The following PRELID2 variants were observed in gnomAD, a reference collection of about 807,000 sequenced individuals.
The protein encoded by PRELID2 is PRELI domain-containing protein 2.
In PRELID2, 25 loss-of-function variants were observed where a neutral mutation model predicts 28.4. The ratio of observed to expected loss-of-function variants is 0.88; its 90% CI spans 0.64 to 1.23. The LOEUF (loss-of-function observed/expected upper bound fraction) is 1.23, where lower values mean the gene tolerates loss of function less well. PRELID2 is among the 50% of genes most tolerant of loss of function. The probability of loss-of-function intolerance (pLI) is 0.00; values close to 1 mark genes in which losing one functional copy is unlikely to be tolerated. For synonymous variants in PRELID2, 76 were observed against 71.6 expected (o/e 1.06, Z -0.31); for missense variants, 201 against 214.4 (o/e 0.94, Z 0.39).
At chr5:145,335,988 C>T in the PRELID2 span, among the ~76,000 whole-genome samples, 2,728 of 152,308 alleles carry the variant, frequency 0.018, 47 homozygotes, top group Non-Finnish European at 0.027. Flanking sequence ...GATGGTATCT[C>T]ATTGTGGTTT....
intron 1 of PRELID2, among the ~76,000 whole-genome samples, chr5:145,643,335 A>T (rs1191903111): frequency 6.6e-6 from 1 of 152,200 alleles, no homozygotes; most frequent in African/African-American, 2.4e-5. Context: ...GTGTGTAGGA[A>T]TGCTTGTGAT....
chr5:145,551,297 A>G lies in PRELID2; in HGVS notation n.71-77982T>C, dbSNP rs529634560. On this transcript the variant is annotated intron_variant and non_coding_transcript_variant, in intron 1 of 2. Transcript: ENST00000510259. ...GTGTCTGTAATTCCAGCTACTCGGG[A>G]GGCTGAGGCAGGAGAATCGCTTGAA... is the stretch of plus-strand genomic sequence containing the variant. Among the ~76,000 whole-genome samples, 88 of 152,140 alleles carry G rather than the reference A, an allele frequency of 5.8e-4. 1 individual carries two copies. Among genetic ancestry groups the G allele is most frequent in the African/African-American group, 2.0e-3 (83 of 41,496 alleles).
At chr5:145,678,576 C>A (rs1283643795) in intron 1 of PRELID2, among the ~76,000 whole-genome samples, 1 of 152,156 alleles carries the variant, frequency 6.6e-6, no homozygotes, top group Admixed American at 6.5e-5. Context: ...ACCAGACCAA[C>A]TTATTATGAG....
chr5:145,693,533 T>C (rs1755192843), intron 1 of PRELID2, among the ~76,000 whole-genome samples: 1 of 149,746 alleles, frequency 6.7e-6, no homozygotes, highest in African/African-American at 2.5e-5. Context: ...TTTTGGGAGG[T>C]CAAAGCTAAA....
chr5:145,431,069 T>C, the PRELID2 span, among the ~76,000 whole-genome samples: 2 of 133,788 alleles, frequency 1.5e-5, no homozygotes, highest in African/African-American at 5.4e-5. Context: ...GAGTTGAGCA[T>C]CACAGCCCTA....
the PRELID2 span, among the ~76,000 whole-genome samples, chr5:145,423,040 C>G: frequency 1.4e-5 from 2 of 147,678 alleles, no homozygotes; most frequent in African/African-American, 2.5e-5. Flanking sequence ...AAATTCTTTT[C>G]TTTAAGAATG....
chr5:145,293,543 C>T, the PRELID2 span, among the ~76,000 whole-genome samples: 2 of 152,212 alleles, frequency 1.3e-5, no homozygotes, highest in Non-Finnish European at 2.9e-5. Context: ...AACTCCTAAC[C>T]ATTTAACTAT....
intron 1 of PRELID2, among the ~76,000 whole-genome samples, chr5:145,474,088 G>A (rs1195262450): frequency 6.6e-6 from 1 of 152,250 alleles, no homozygotes. Flanking sequence ...GCAAAGAAAA[G>A]TACTCAATCC....
the PRELID2 span, among the ~76,000 whole-genome samples, chr5:145,466,503 G>A: frequency 6.6e-6 from 1 of 151,950 alleles, no homozygotes; most frequent in Non-Finnish European, 1.5e-5. Flanking sequence ...GTTTTTGTAT[G>A]TCTATCTATT....
chr5:145,377,244 T>C, the PRELID2 span, among the ~76,000 whole-genome samples: 2 of 152,230 alleles, frequency 1.3e-5, no homozygotes, highest in African/African-American at 4.8e-5. Context: ...TGCACTGTGG[T>C]CTGACAGATT....
At chr5:145,250,669 G>A in the PRELID2 span, among the ~76,000 whole-genome samples, 1 of 152,132 alleles carries the variant, frequency 6.6e-6, no homozygotes, top group Non-Finnish European at 1.5e-5. Context: ...TCAGACTTTT[G>A]AGATGGAATA....
At chr5:145,540,497 A>G (rs1752736853) in intron 1 of PRELID2, among the ~76,000 whole-genome samples, 1 of 151,948 alleles carries the variant, frequency 6.6e-6, no homozygotes, top group South Asian at 2.1e-4. Context: ...GGTTAGAAAG[A>G]TGAGTCTTAC....
chr5:145,515,950 C>T lies in PRELID2; in HGVS notation n.71-42635G>A, dbSNP rs140115553. 2.9e-3 allele frequency among the ~76,000 whole-genome samples: 446 copies of T among 152,250 alleles called. 1 individual carries two copies. Among genetic ancestry groups the T allele is most frequent in the Non-Finnish European group, 5.3e-3 (358 of 68,016 alleles). ...TGACAAAATTCAACAATTCTTTATG[C>T]TAAAAACTCTCAATAAACTAGGTAT... On this transcript the variant is annotated intron_variant and non_coding_transcript_variant, in intron 1 of 2. Transcript: ENST00000510259.
the PRELID2 span, among the ~76,000 whole-genome samples, chr5:145,394,824 T>C: frequency 3.9e-5 from 6 of 152,152 alleles, no homozygotes; most frequent in South Asian, 2.1e-4. Flanking sequence ...TCTGGCTCTG[T>C]CGTTTATCAG....
chr5:145,393,540 G>A, the PRELID2 span, among the ~76,000 whole-genome samples: 1 of 152,186 alleles, frequency 6.6e-6, no homozygotes, highest in Non-Finnish European at 1.5e-5. Flanking sequence ...ACAGAAAAGG[G>A]AAAGCAAACT....
chr5:145,769,096 A>G (rs1473244342), intron 5 of PRELID2, among the ~76,000 whole-genome samples: 1 of 152,208 alleles, frequency 6.6e-6, no homozygotes, highest in African/African-American at 2.4e-5. Flanking sequence ...CTAAATTTAC[A>G]CCACTTATCA....
the PRELID2 span, among the ~76,000 whole-genome samples, chr5:145,284,549 A>G: frequency 6.6e-6 from 1 of 152,070 alleles, no homozygotes; most frequent in African/African-American, 2.4e-5. Context: ...CTATCTGTTG[A>G]AGTCTAATGA....
chr5:145,352,552 G>A, the PRELID2 span, among the ~76,000 whole-genome samples: 1 of 152,210 alleles, frequency 6.6e-6, no homozygotes, highest in Non-Finnish European at 1.5e-5. Flanking sequence ...TGTGATGGAA[G>A]GGGCTGCTGT....
At chr5:145,818,869 C>T (rs1343327721) in intron 3 of PRELID2, among the ~76,000 whole-genome samples, 1 of 152,176 alleles carries the variant, frequency 6.6e-6, no homozygotes, top group East Asian at 1.9e-4. Flanking sequence ...TATGGTTTGG[C>T]TGTGTCCCCT....
Sources: gnomAD v4.1 joint callset for allele counts (sites outside exome capture counted in the v4.1 genomes callset) on GRCh38, gnomAD v4.1.1 for gene constraint, MANE v1.5 for transcripts, NCBI Gene and HGNC (gene_info 2026-07-23, HGNC 2026-07-21) for gene names.